Variants in RBFOX1 observed in about 807,000 individuals in gnomAD.
The protein encoded by RBFOX1 is RNA binding protein fox-1 homolog 1.
In RBFOX1, 8 loss-of-function variants were observed where a neutral mutation model predicts 57.7. The observed-to-expected ratio is 0.14, with a 90% CI of 0.08 to 0.25. The LOEUF is 0.25. RBFOX1 is among the 10% of genes least tolerant of loss of function. RBFOX1 has a pLI of 1.00. For missense variants in RBFOX1, 611 were observed against 548.5 expected, an observed-to-expected ratio of 1.11 and a Z score of -1.14; for synonymous variants, 326 against 222.4, an observed-to-expected ratio of 1.47 and a Z score of -4.15.
intron 3 of RBFOX1, among the ~76,000 whole-genome samples, chr16:6,847,410 C>T (rs561547802): frequency 5.9e-5 from 9 of 152,134 alleles, no homozygotes; most frequent in Admixed American, 6.5e-5. Context: ...CTAGGGGAAG[C>T]AGCCGTCTAG....
At chr16:7,700,295 C>A (rs563288240) in intron 14 of RBFOX1, among the ~76,000 whole-genome samples, 1 of 152,236 alleles carries the variant, frequency 6.6e-6, no homozygotes, top group East Asian at 1.9e-4. Flanking sequence ...GTAATCATAA[C>A]CCTCCTCTCA....
intron 4 of RBFOX1, among the ~76,000 whole-genome samples, chr16:7,191,410 C>T (rs1289756889): frequency 6.6e-6 from 1 of 151,806 alleles, no homozygotes; most frequent in Non-Finnish European, 1.5e-5. Context: ...CAAATGGCGC[C>T]TCATGTTGTA....
intron 2 of RBFOX1, among the ~76,000 whole-genome samples, chr16:6,410,297 A>C (rs1459357796): frequency 7.8e-6 from 1 of 127,838 alleles, no homozygotes; most frequent in African/African-American, 3.1e-5. Context: ...ACGATGACCT[A>C]GGGTTCTTTT....
intron 1 of RBFOX1, among the ~76,000 whole-genome samples, chr16:6,149,335 A>T (rs2096781574): frequency 6.6e-6 from 1 of 152,246 alleles, no homozygotes; most frequent in Admixed American, 6.5e-5. Context: ...TTGGGCAAGT[A>T]ACTTAATCTT....
chr16:7,492,598 C>T (rs905163039), intron 4 of RBFOX1, among the ~76,000 whole-genome samples: 2 of 152,192 alleles, frequency 1.3e-5, no homozygotes, highest in Non-Finnish European at 1.5e-5. Context: ...ATCTAAATCT[C>T]ATGTCAAATT....
intron 4 of RBFOX1, among the ~76,000 whole-genome samples, chr16:7,439,858 G>A (rs1005497619): frequency 6.6e-6 from 1 of 151,974 alleles, no homozygotes; most frequent in Non-Finnish European, 1.5e-5. Flanking sequence ...AGAAGTGCCA[G>A]TGTGTTCAAA....
At chr16:5,408,336 T>C (rs922023479) in intron 1 of RBFOX1, among the ~76,000 whole-genome samples, 4 of 152,366 alleles carry the variant, frequency 2.6e-5, no homozygotes, top group Non-Finnish European at 4.4e-5. Context: ...TTTCGTGTTA[T>C]ATGAATCAAT....
intron 4 of RBFOX1, among the ~76,000 whole-genome samples, chr16:7,381,333 T>C (rs549179503): frequency 2.0e-4 from 30 of 152,308 alleles, no homozygotes; most frequent in Non-Finnish European, 4.3e-4. Flanking sequence ...ATATAACTTG[T>C]GGGAAAAGGT....
At chr16:6,722,663 T>C (rs2066260034) in intron 3 of RBFOX1, among the ~76,000 whole-genome samples, 1 of 152,212 alleles carries the variant, frequency 6.6e-6, no homozygotes, top group South Asian at 2.1e-4. Context: ...CATTTAAATA[T>C]GGCTAAAATT....
chr16:5,511,013 T>G (rs577305916), intron 2 of RBFOX1, among the ~76,000 whole-genome samples: 1 of 152,308 alleles, frequency 6.6e-6, no homozygotes, highest in South Asian at 2.1e-4. Flanking sequence ...CTTACGTCAT[T>G]GCTGAAAATG....
At chr16:7,011,607 G>A (rs534841858) in intron 3 of RBFOX1, among the ~76,000 whole-genome samples, 15 of 152,224 alleles carry the variant, frequency 9.9e-5, no homozygotes, top group South Asian at 8.3e-4. Context: ...TCCGCATCCC[G>A]GGTTCACGCC....
At chr16:6,513,315 G>T (rs2096291659) in intron 2 of RBFOX1, among the ~76,000 whole-genome samples, 1 of 152,222 alleles carries the variant, frequency 6.6e-6, no homozygotes, top group Admixed American at 6.5e-5. Flanking sequence ...TAGTGATTCT[G>T]TCAGCTTCTC....
chr16:5,768,221 G>T (rs925233485), intron 3 of RBFOX1, among the ~76,000 whole-genome samples: 3 of 152,194 alleles, frequency 2.0e-5, no homozygotes, highest in Non-Finnish European at 4.4e-5. Context: ...GAGAGAAGCT[G>T]ATCCATAATG....
At chr16:6,836,431 T>C (rs1170462087) in intron 3 of RBFOX1, among the ~76,000 whole-genome samples, 1 of 152,188 alleles carries the variant, frequency 6.6e-6, no homozygotes, top group Non-Finnish European at 1.5e-5. Context: ...CTCAACAAAC[T>C]CCTTATTTGT....
At chr16:5,776,820 T>C (rs2054164779) in intron 3 of RBFOX1, among the ~76,000 whole-genome samples, 1 of 152,198 alleles carries the variant, frequency 6.6e-6, no homozygotes, top group African/African-American at 2.4e-5. Context: ...AACAGCCCTG[T>C]CCAGGAGATT....
intron 3 of RBFOX1, among the ~76,000 whole-genome samples, chr16:6,887,464 G>A (rs74008403): frequency 0.061 from 9,254 of 152,122 alleles, 996 homozygotes; most frequent in African/African-American, 0.21. Flanking sequence ...TCTAAACTTC[G>A]CATCATGTTT....
At chr16:7,168,215 A>G (rs2079963262) in intron 4 of RBFOX1, among the ~76,000 whole-genome samples, 1 of 152,196 alleles carries the variant, frequency 6.6e-6, no homozygotes, top group South Asian at 2.1e-4. Context: ...GCTAATGGGA[A>G]TGTGGTTCCC....
At chr16:7,544,749 C>T (rs2083932154) in intron 5 of RBFOX1, among the ~76,000 whole-genome samples, 1 of 152,098 alleles carries the variant, frequency 6.6e-6, no homozygotes, top group Non-Finnish European at 1.5e-5. Flanking sequence ...TTATGGCAGT[C>T]CTAGGAAAGT....
At chr16:7,155,361 C>T (rs896636533) in intron 4 of RBFOX1, among the ~76,000 whole-genome samples, 8 of 151,852 alleles carry the variant, frequency 5.3e-5, no homozygotes, top group Admixed American at 6.6e-5. Flanking sequence ...AGGTCGAGTT[C>T]AGTGGGTCAC....
Sources: allele counts gnomAD v4.1 joint callset (sites outside exome capture counted in the v4.1 genomes callset), GRCh38; gene constraint gnomAD v4.1.1; transcripts MANE v1.5; gene names NCBI Gene and HGNC (gene_info 2026-07-23, HGNC 2026-07-21).